MDGA2: variants seen among roughly 807,000 people sequenced by gnomAD.
MDGA2 encodes the protein MAM domain-containing glycosylphosphatidylinositol anchor protein 2.
A neutral mutation model predicts 117.8 loss-of-function variants in MDGA2; 40 were observed. The observed-to-expected ratio is 0.34, with a 90% CI of 0.26 to 0.44. The LOEUF (loss-of-function observed/expected upper bound fraction) is 0.44, where lower values mean the gene tolerates loss of function less well. MDGA2 is among the 20% of genes least tolerant of loss of function. MDGA2 has a pLI of 1.00. For synonymous variants in MDGA2, 452 were observed against 439.0 expected (o/e 1.03, Z -0.37); for missense variants, 1,123 against 1,250.6 (o/e 0.90, Z 1.54).
At chr14:47,400,984 C>G (rs552719596) in intron 1 of MDGA2, among the ~76,000 whole-genome samples, 28 of 151,374 alleles carry the variant, frequency 1.8e-4, no homozygotes, top group African/African-American at 5.8e-4. Flanking sequence ...GTCTTGATCT[C>G]CTGACCTCAT....
At chr14:46,881,371 T>A (rs546024976) in intron 11 of MDGA2, among the ~76,000 whole-genome samples, 1 of 152,086 alleles carries the variant, frequency 6.6e-6, no homozygotes, top group South Asian at 2.1e-4. Context: ...GAGAGATAAA[T>A]GGGTAGAGCA....
rs150524492 is a variant in MDGA2, at chr14:47,001,995, C to A, written c.1819+33016G>T. ...ATTCTCAACTACATATTTTTAAAGG[C>A]AAAATATATTGTATCTGTTATCTCC... On this transcript the variant is annotated intron_variant, in intron 8 of 16. Transcript: ENST00000399232. Among the ~76,000 whole-genome samples, 23 of 152,098 alleles carry A rather than the reference C, an allele frequency of 1.5e-4. 1 individual carries two copies. The highest frequency in any genetic ancestry group is 5.1e-4 in the African/African-American group (21 of 41,524).
intron 1 of MDGA2, among the ~76,000 whole-genome samples, chr14:47,618,030 T>C (rs1177429277): frequency 2.0e-5 from 3 of 152,212 alleles, no homozygotes; most frequent in African/African-American, 7.2e-5. Flanking sequence ...TTTGCATCTC[T>C]TAGCTACATC....
chr14:46,973,289 T>C (rs1241580652), intron 8 of MDGA2, among the ~76,000 whole-genome samples: 1 of 152,168 alleles, frequency 6.6e-6, no homozygotes, highest in East Asian at 1.9e-4. Flanking sequence ...AGTTGAAAAC[T>C]TATGTTTACA....
intron 1 of MDGA2, among the ~76,000 whole-genome samples, chr14:47,600,439 A>C (rs1404088982): frequency 6.6e-6 from 1 of 152,084 alleles, no homozygotes; most frequent in African/African-American, 2.4e-5. Context: ...GTCTCAAAAA[A>C]AATTTTAAAA....
At chr14:47,073,509 C>T (rs1030134849) in intron 6 of MDGA2, among the ~76,000 whole-genome samples, 1 of 152,108 alleles carries the variant, frequency 6.6e-6, no homozygotes, top group Admixed American at 6.5e-5. Flanking sequence ...CTTTTTATTC[C>T]GTATTTCTGA....
intron 1 of MDGA2, among the ~76,000 whole-genome samples, chr14:47,619,360 G>A (rs192584827): frequency 6.6e-6 from 1 of 152,140 alleles, no homozygotes; most frequent in Non-Finnish European, 1.5e-5. Context: ...AATGAGGTGG[G>A]CTGCTAACAA....
intron 8 of MDGA2, among the ~76,000 whole-genome samples, chr14:46,980,937 C>T (rs1426017927): frequency 6.6e-6 from 1 of 152,118 alleles, no homozygotes; most frequent in Non-Finnish European, 1.5e-5. Context: ...TGCTTTATTG[C>T]AGTAGTCTGG....
At chr14:47,564,307 T>C (rs150364760) in intron 1 of MDGA2, among the ~76,000 whole-genome samples, 1 of 152,296 alleles carries the variant, frequency 6.6e-6, no homozygotes, top group Non-Finnish European at 1.5e-5. Context: ...TTAGTCTGTT[T>C]CCATGCTGCT....
chr14:47,135,033 A>G (rs967944038), intron 4 of MDGA2, among the ~76,000 whole-genome samples: 1 of 151,910 alleles, frequency 6.6e-6, no homozygotes, highest in Non-Finnish European at 1.5e-5. Context: ...TTCAATTTGC[A>G]TTTTCTGAAT....
At chr14:47,105,814 T>C (rs1464892037) in intron 5 of MDGA2, among the ~76,000 whole-genome samples, 1 of 151,792 alleles carries the variant, frequency 6.6e-6, no homozygotes, top group East Asian at 1.9e-4. Context: ...ATCTTCCTTT[T>C]CTACAGACCC....
chr14:47,311,629 G>A (rs1889637724), intron 1 of MDGA2, among the ~76,000 whole-genome samples: 1 of 152,058 alleles, frequency 6.6e-6, no homozygotes, highest in Non-Finnish European at 1.5e-5. Flanking sequence ...GACTCCACTG[G>A]GGCAATACCC....
intron 2 of MDGA2, among the ~76,000 whole-genome samples, chr14:47,275,412 A>ATG (rs759682045): frequency 1.3e-5 from 2 of 152,206 alleles, no homozygotes; most frequent in Non-Finnish European, 2.9e-5. Context: ...GAAAGAGTAT[A>ATG]TGTGCTGAAA....
chr14:47,401,341 T>C (rs1048448572), intron 1 of MDGA2, among the ~76,000 whole-genome samples: 2 of 152,082 alleles, frequency 1.3e-5, no homozygotes, highest in African/African-American at 4.8e-5. Context: ...AAAAAAGACT[T>C]TGAAAGCTTA....
chr14:46,901,139 A>T (rs1010677880), intron 10 of MDGA2, among the ~76,000 whole-genome samples: 1 of 144,826 alleles, frequency 6.9e-6, no homozygotes. Context: ...TGTTATAGTA[A>T]ATTTTAAGAA....
intron 2 of MDGA2, among the ~76,000 whole-genome samples, chr14:47,277,313 A>G (rs779985793): frequency 1.3e-5 from 2 of 152,180 alleles, no homozygotes; most frequent in African/African-American, 2.4e-5. Context: ...AAAAACATAT[A>G]TGCAATGTGG....
At chr14:46,882,879 T>C (rs1882519563) in intron 10 of MDGA2, among the ~76,000 whole-genome samples, 1 of 151,912 alleles carries the variant, frequency 6.6e-6, no homozygotes. Flanking sequence ...GAATTTACCA[T>C]GGGATTTGGC....
intron 1 of MDGA2, among the ~76,000 whole-genome samples, chr14:47,404,876 G>A (rs1892229225): frequency 6.6e-6 from 1 of 152,208 alleles, no homozygotes; most frequent in Non-Finnish European, 1.5e-5. Flanking sequence ...TATCTTTTAA[G>A]TATTTAAAGA....
At position 47,439,818 on chromosome 14, in the gene MDGA2, A is replaced by T. The variant is rs201169567; in HGVS notation, c.281-138268T>A. ...GGCCAGGACAGTTATTCACTAAGGG[A>T]GTGTGTGTGTGTGTGTGTGTATGGG... On this transcript the variant is annotated intron_variant, in intron 1 of 16. Transcript: ENST00000399232. Among the ~76,000 whole-genome samples the T allele has an allele frequency of 5.3e-4, 79 of 150,402 alleles. 2 individuals are homozygous for T. In the South Asian group the frequency reaches 0.015, roughly 28 times the overall value.
Sources: allele counts gnomAD v4.1 joint callset (sites outside exome capture counted in the v4.1 genomes callset), GRCh38; gene constraint gnomAD v4.1.1; transcripts MANE v1.5; gene names NCBI Gene and HGNC (gene_info 2026-07-23, HGNC 2026-07-21).